FRMPD4: variants seen among roughly 807,000 people sequenced by gnomAD.
The protein encoded by FRMPD4 is FERM and PDZ domain-containing protein 4.
Under a neutral mutation model 94.1 loss-of-function variants are expected in FRMPD4, and 22 were observed. The observed-to-expected ratio is 0.23, with a 90% CI of 0.17 to 0.33. The LOEUF is 0.33. Among genes scored for constraint, FRMPD4 ranks in the 10% least tolerant of loss-of-function variants. FRMPD4 has a pLI of 1.00. For missense variants in FRMPD4, 1,111 were observed against 1,339.9 expected, an observed-to-expected ratio of 0.83 and a Z score of 2.67; for synonymous variants, 631 against 548.6, an observed-to-expected ratio of 1.15 and a Z score of -2.10.
chrX:12,058,223 A>G (rs1285384952), intron 3 of FRMPD4, among the ~76,000 whole-genome samples: 1 of 111,854 alleles, frequency 8.9e-6, no homozygotes. Context: ...TGTGCTCAGT[A>G]TCTTTTCCTG....
intron 3 of FRMPD4, among the ~76,000 whole-genome samples, chrX:12,077,491 C>T (rs765763919): frequency 9.0e-6 from 1 of 111,579 alleles, no homozygotes; most frequent in South Asian, 3.8e-4. Context: ...CCTTCCCGAA[C>T]TGATGAAACT....
At chrX:12,602,164 C>A (rs1435188425) in intron 2 of FRMPD4, among the ~76,000 whole-genome samples, 1 of 111,787 alleles carries the variant, frequency 8.9e-6, no homozygotes, top group Admixed American at 9.5e-5. Flanking sequence ...TTCTAAAATG[C>A]CTCGTGACCT....
intron 3 of FRMPD4, among the ~76,000 whole-genome samples, chrX:12,072,250 G>GAA (rs1368629917): frequency 2.7e-5 from 3 of 111,968 alleles, no homozygotes; most frequent in Admixed American, 9.5e-5. Context: ...TGCTGCTGTT[G>GAA]AAAATGAAGC....
intron 3 of FRMPD4, among the ~76,000 whole-genome samples, chrX:12,112,693 T>G (rs1229713831): frequency 8.9e-6 from 1 of 112,032 alleles, no homozygotes; most frequent in Non-Finnish European, 1.9e-5. Flanking sequence ...GACTTTAATT[T>G]TGAATTTTTT....
intron 3 of FRMPD4, among the ~76,000 whole-genome samples, chrX:12,002,881 C>A (rs1342006893): frequency 5.4e-5 from 6 of 111,546 alleles, no homozygotes; most frequent in Non-Finnish European, 1.1e-4. Context: ...TACTTACTAA[C>A]ACTTGCTGCT....
rs746746007 is a variant in FRMPD4 at position 12,365,107 on chromosome X, G to T, written c.42-133573G>T. Among the ~76,000 whole-genome samples, 6 of 112,527 alleles carry T rather than the reference G, an allele frequency of 5.3e-5. No homozygotes were observed. In the East Asian group the frequency reaches 1.7e-3, roughly 31 times the overall value. ...TTCCTTCCTGGAAACCAAGCTCAAG[G>T]GGGTAGATGGGAAGCAGAAACCTGA... On this transcript the variant is annotated intron_variant, in intron 1 of 16. Coordinates refer to ENST00000675598, the MANE Select transcript of FRMPD4 (RefSeq NM_001368397.1).
chrX:12,377,374 G>A (rs1227136410), intron 1 of FRMPD4, among the ~76,000 whole-genome samples: 1 of 112,305 alleles, frequency 8.9e-6, no homozygotes, highest in African/African-American at 3.2e-5. Context: ...CCATGGCCTG[G>A]TAGCTACACG....
chrX:12,403,205 A>G (rs980008898), intron 1 of FRMPD4, among the ~76,000 whole-genome samples: 8 of 111,254 alleles, frequency 7.2e-5, no homozygotes, highest in Non-Finnish European at 1.3e-4. Flanking sequence ...AATCCTCAAC[A>G]TGGTCTACAT....
chrX:12,699,556 A>C (rs2060167108), intron 9 of FRMPD4, among the ~76,000 whole-genome samples: 1 of 112,260 alleles, frequency 8.9e-6, no homozygotes, highest in Admixed American at 9.4e-5. Flanking sequence ...TTGTATGCAG[A>C]AGCCATCCAG....
At chrX:12,392,090 G>A (rs1190716198) in intron 1 of FRMPD4, among the ~76,000 whole-genome samples, 1 of 109,488 alleles carries the variant, frequency 9.1e-6, no homozygotes, top group East Asian at 3.0e-4. Flanking sequence ...CTGCAGTGCA[G>A]TGGTGCAATC....
intron 1 of FRMPD4, among the ~76,000 whole-genome samples, chrX:12,411,314 A>G (rs1038780814): frequency 8.9e-5 from 10 of 112,341 alleles, no homozygotes; most frequent in African/African-American, 2.6e-4. Context: ...AGCAGATATG[A>G]AAATGTGTTC....
chrX:11,934,336 T>G (rs1267586859), intron 3 of FRMPD4, among the ~76,000 whole-genome samples: 3 of 111,942 alleles, frequency 2.7e-5, no homozygotes, highest in African/African-American at 9.7e-5. Flanking sequence ...CAGGATGTTA[T>G]GGCTGGAAGG....
chrX:12,077,798 T>C (rs1269559867), intron 3 of FRMPD4, among the ~76,000 whole-genome samples: 1 of 111,445 alleles, frequency 9.0e-6, no homozygotes, highest in African/African-American at 3.3e-5. Flanking sequence ...GTCCAGCCAA[T>C]AAAGAAGAGT....
At chrX:12,189,238 T>TG (rs775551818) in intron 1 of FRMPD4, among the ~76,000 whole-genome samples, 4 of 111,603 alleles carry the variant, frequency 3.6e-5, no homozygotes, top group Non-Finnish European at 7.6e-5. Flanking sequence ...ATAGACAAAC[T>TG]GAATACGCCT....
At chrX:11,953,767 A>T (rs989056056) in intron 3 of FRMPD4, among the ~76,000 whole-genome samples, 3 of 111,518 alleles carry the variant, frequency 2.7e-5, no homozygotes, top group Non-Finnish European at 5.7e-5. Flanking sequence ...TTCAAGGGGG[A>T]TTGGTTGTTC....
intron 1 of FRMPD4, among the ~76,000 whole-genome samples, chrX:12,484,142 A>G (rs2057716516): frequency 8.9e-6 from 1 of 112,278 alleles, no homozygotes; most frequent in Non-Finnish European, 1.9e-5. Flanking sequence ...GACAGAAGAT[A>G]TATCTTTTTA....
intron 5 of FRMPD4, 65 bp downstream of exon 5, chrX:12,674,973 C>G (rs1464344053): frequency 1.5e-6 from 1 of 686,052 alleles, no homozygotes; most frequent in African/African-American, 2.1e-5. Flanking sequence ...TCTGCCCACT[C>G]CAGTAAAACC....
At chrX:12,201,026 G>A (rs1376654892) in intron 1 of FRMPD4, among the ~76,000 whole-genome samples, 1 of 112,171 alleles carries the variant, frequency 8.9e-6, no homozygotes, top group Admixed American at 9.4e-5. Flanking sequence ...TAGTTCAAAG[G>A]CAATGCAAGG....
intron 1 of FRMPD4, among the ~76,000 whole-genome samples, chrX:12,399,346 T>C (rs903641652): frequency 8.0e-5 from 9 of 111,850 alleles, no homozygotes; most frequent in Non-Finnish European, 1.3e-4. Context: ...AGTGTAGCTA[T>C]AGATACAGAT....
Sources: allele counts gnomAD v4.1 joint callset (sites outside exome capture counted in the v4.1 genomes callset), GRCh38; gene constraint gnomAD v4.1.1; transcripts MANE v1.5; gene names NCBI Gene and HGNC (gene_info 2026-07-23, HGNC 2026-07-21).